The following RIBC2 variants were observed in gnomAD, a reference collection of about 807,000 sequenced individuals.
RIBC2 encodes the protein RIB43A domain with coiled-coils 2.
In RIBC2, 40 loss-of-function variants were observed where a neutral mutation model predicts 44.3. The ratio of observed to expected loss-of-function variants is 0.90; its 90% CI spans 0.70 to 1.18. RIBC2 has a LOEUF of 1.18. Among genes scored for constraint, RIBC2 ranks in the 50% most tolerant of loss-of-function variants. The probability of loss-of-function intolerance (pLI) is 0.00; values close to 1 mark genes in which losing one functional copy is unlikely to be tolerated. For missense variants in RIBC2, 459 were observed against 485.5 expected (o/e 0.95, Z 0.51); for synonymous variants, 171 against 175.0 (o/e 0.98, Z 0.18).
At chr22:45,421,488 AATT>A (rs200416430) in intron 3 of RIBC2, among the ~76,000 whole-genome samples, 84,070 of 138,834 alleles carry the variant, frequency 0.61, 27,640 homozygotes, top group African/African-American at 0.87. Context: ...ATGTCTAATT[AATT>A]ATTATTATTA....
chr22:45,430,829 CTCCT>C, intron 5 of RIBC2, 67 bp from the exon 6 acceptor site: 1 of 1,449,676 alleles, frequency 6.9e-7, no homozygotes, highest in Non-Finnish European at 9.1e-7. Flanking sequence ...GAGGCCAGGC[CTCCT>C]AGATAATCCC....
intron 5 of RIBC2, among the ~76,000 whole-genome samples, chr22:45,428,911 T>C (rs1268210292): frequency 6.6e-6 from 1 of 152,144 alleles, no homozygotes; most frequent in African/African-American, 2.4e-5. Context: ...GCCAGATTCA[T>C]TGTGGTCACC....
At chr22:45,417,473 C>T in intron 2 of RIBC2, 129 bp from the exon 3 acceptor site, 1 of 673,384 alleles carries the variant, frequency 1.5e-6, no homozygotes, top group Admixed American at 3.0e-5. Context: ...TGGTTGGAGG[C>T]CAGGAGACCA....
In RIBC2 at chr22:45,430,979, T is replaced by A. The variant is rs571131101; in HGVS notation, c.983T>A (p.Phe328Tyr). Reference protein sequence around the residue: ...RIQGARATLLFERQQWRRQRD... With the variant: ...RIQGARATLLYERQQWRRQRD... ...CAGGGGGCTCGCGCCACCCTGCTGT[T>A]TGAGCGGCAGCAGTGGCGGCGGCAG... is the stretch of plus-strand genomic sequence containing the variant. Residue 328 changes from phenylalanine to tyrosine, a missense_variant, in exon 6 of 7, where the codon TTT becomes TAT. By Grantham distance (22) the Phe-to-Tyr change is conservative. Coordinates refer to ENST00000614167, the MANE Select transcript of RIBC2 (RefSeq NM_015653.5). 2 of 1,607,400 alleles carry A rather than the reference T, an allele frequency of 1.2e-6. No individual in the cohort carries two copies. The highest frequency in any genetic ancestry group is 1.3e-5 in the African/African-American group (1 of 74,692).
In RIBC2 at chr22:45,426,209, G is replaced by C. The variant is rs763808024; in HGVS notation, c.903+34G>C. 3 of 1,572,412 alleles carry C rather than the reference G, an allele frequency of 1.9e-6. No homozygotes were observed. In the South Asian group the frequency reaches 3.4e-5, roughly 18 times the overall value. Reference sequence around the variant, plus strand: ...CCCGCCCCTTTTTCCAGAGCCCATAGAGCCAGGCTCTTTGCTCCCACTGCC... The same window carrying C: ...CCCGCCCCTTTTTCCAGAGCCCATACAGCCAGGCTCTTTGCTCCCACTGCC... On this transcript the variant is annotated intron_variant, in intron 5 of 6. Transcript: ENST00000614167.
chr22:45,421,686 G>T (rs2087486768), intron 3 of RIBC2, among the ~76,000 whole-genome samples: 1 of 151,614 alleles, frequency 6.6e-6, no homozygotes, highest in South Asian at 2.1e-4. Context: ...CTAAGTAATA[G>T]TTGAGGTTAA....
rs2087441911 is a variant in RIBC2, at chr22:45,417,945, A to C, written c.555A>C (p.Ala185=). ...WKNARAEQKC[A]EALYTETRLQ... ...ACGCCCGTGCTGAACAAAAATGCGC[A>C]GGTAATGAAACAGAAGAGACGAGCT... The change falls in exon 3 of 7, where the codon GCA becomes GCC. Residue 185 remains alanine, a splice_region_variant and synonymous_variant. Coordinates refer to ENST00000614167, the MANE Select transcript of RIBC2 (RefSeq NM_015653.5). The C allele has an allele frequency of 6.3e-7, 1 of 1,589,774 alleles. No individual in the cohort carries two copies. Among genetic ancestry groups the C allele is most frequent in the Middle Eastern group, 1.7e-4 (1 of 5,924 alleles).
Position 45,413,771 on chromosome 22 carries a change from A to G in RIBC2, c.-116A>G. 7.2e-7 allele frequency: 1 copy of G among 1,395,088 alleles called. No homozygotes were observed. Among genetic ancestry groups the G allele is most frequent in the Non-Finnish European group, 9.6e-7 (1 of 1,041,532 alleles). The allele number at this position is 1,395,088 out of a possible 1,614,324, so 86.4% of individuals were successfully genotyped here. On this transcript the variant is annotated 5_prime_UTR_variant, in exon 1 of 7. Coordinates refer to ENST00000614167, the MANE Select transcript of RIBC2 (RefSeq NM_015653.5). ...GGAGCCCGACGGAAAACTGCGCTAA[A>G]GGCTTGTCTTTCCCCTGCCCGACCG...
At chr22:45,419,732 C>CA (rs567543981) in intron 3 of RIBC2, among the ~76,000 whole-genome samples, 11,016 of 132,468 alleles carry the variant, frequency 0.083, 434 homozygotes, top group Middle Eastern at 0.21. Context: ...AACCCTGTCT[C>CA]AAAAAAAAAA....
chr22:45,413,898 G>T lies in RIBC2; in HGVS notation c.12G>T (p.Gln4His). ...CCCTTAGGCTTTCCATGGGTTCCCAGACCATGGCGGTGGCGCTGCCCAGGG... is the reference window on the plus strand; with the variant it reads ...CCCTTAGGCTTTCCATGGGTTCCCATACCATGGCGGTGGCGCTGCCCAGGG... MGS[Q>H]TMAVALPRDL... Residue 4 changes from glutamine to histidine, a missense_variant, in exon 1 of 7, where the codon CAG (glutamine) becomes CAT (histidine). By Grantham distance (24) the Gln-to-His change is conservative (BLOSUM62 0). Coordinates refer to ENST00000614167, the MANE Select transcript of RIBC2 (RefSeq NM_015653.5). 6.4e-7 allele frequency: 1 copy of T among 1,551,366 alleles called. No individual in the cohort carries two copies. Among genetic ancestry groups the T allele is most frequent in the South Asian group, 1.2e-5 (1 of 83,998 alleles).
intron 2 of RIBC2, 24 bp from the exon 3 acceptor site, chr22:45,417,578 A>G: frequency 6.5e-7 from 1 of 1,532,844 alleles, no homozygotes; most frequent in Non-Finnish European, 9.0e-7. Flanking sequence ...TCCTAAGCTT[A>G]TGGATATGCT....
chr22:45,430,136 A>G (rs1479080885), intron 5 of RIBC2, among the ~76,000 whole-genome samples: 1 of 152,206 alleles, frequency 6.6e-6, no homozygotes, highest in African/African-American at 2.4e-5. Flanking sequence ...AAAGCCCGCC[A>G]GCCTGCCTTC....
rs2087440244 is a variant in RIBC2, at chr22:45,417,812, C to G, written c.422C>G (p.Ser141Ter). 3 of 1,613,932 alleles carry G rather than the reference C, an allele frequency of 1.9e-6. No homozygotes were observed. The highest frequency in any genetic ancestry group is 2.5e-6 in the Non-Finnish European group (3 of 1,180,024). ...GATAATGATGTTCGGAATACGATAT[C>G]AGGAATGCAGAAATTCATGGGAGAG... ...QSDNDVRNTI[S>*]GMQKFMGEDL... Residue 141 changes from serine to a stop codon, truncating the protein, a stop_gained, in exon 3 of 7, where the codon TCA (serine) becomes TGA (stop). Transcript: ENST00000614167. LOFTEE classifies it high-confidence loss of function.
intron 5 of RIBC2, among the ~76,000 whole-genome samples, chr22:45,428,890 C>T (rs2087555523): frequency 6.6e-6 from 1 of 152,180 alleles, no homozygotes; most frequent in Non-Finnish European, 1.5e-5. Flanking sequence ...GGGTGTCCCC[C>T]ACCATGCTTA....
intron 3 of RIBC2, among the ~76,000 whole-genome samples, chr22:45,421,202 G>A (rs2087473737): frequency 6.6e-6 from 1 of 151,734 alleles, no homozygotes; most frequent in African/African-American, 2.4e-5. Context: ...GGCTGAGGCA[G>A]GAGAATTGCT....
intron 3 of RIBC2, among the ~76,000 whole-genome samples, chr22:45,419,144 A>C (rs1210880981): frequency 6.6e-6 from 1 of 152,206 alleles, no homozygotes; most frequent in Non-Finnish European, 1.5e-5. Context: ...TCATGGCTTT[A>C]AATGCCACCT....
In RIBC2 at chr22:45,426,049, G is replaced by A. The variant is rs770380834; in HGVS notation, c.777G>A (p.Glu259=). The change falls in exon 5 of 7, where the codon GAG becomes GAA. Residue 259 remains glutamate (E), a synonymous_variant. Transcript: ENST00000614167. ...TCCTGCGTGGGGACCTGCTCTCCGA[G>A]AACCCGCAGCAGGCAGCCAGCTCCT... ...TNLLRGDLLS[E]NPQQAASSFG... is the part of the protein sequence containing the mutation. 4 of 1,613,974 alleles carry A rather than the reference G, an allele frequency of 2.5e-6. No individual in the cohort carries two copies. The highest frequency in any genetic ancestry group is 3.4e-6 in the Non-Finnish European group (4 of 1,180,026).
intron 3 of RIBC2, 151 bp downstream of exon 3, chr22:45,418,097 G>T (rs2146875786): frequency 1.7e-6 from 1 of 593,342 alleles, no homozygotes. Context: ...TCCTACCAAT[G>T]TGCACAGACA....
chr22:45,426,021 A>C lies in RIBC2; in HGVS notation c.749A>C (p.Asn250Thr). Residue 250 changes from asparagine to threonine, a missense_variant, in exon 5 of 7, where the codon AAC (asparagine) becomes ACC (threonine). Transcript: ENST00000614167. ...EQEDNLAEIT[N>T]LLRGDLLSEN... The stretch of plus-strand genomic sequence containing the variant: ...GAGGACAACTTGGCCGAGATCACCA[A>C]CCTCCTGCGTGGGGACCTGCTCTCC... The C allele has an allele frequency of 6.2e-7, 1 of 1,613,894 alleles. No homozygotes were observed. The highest frequency in any genetic ancestry group is 8.5e-7 in the Non-Finnish European group (1 of 1,179,982).
Sources: gnomAD v4.1 joint callset for allele counts (sites outside exome capture counted in the v4.1 genomes callset) on GRCh38, gnomAD v4.1.1 for gene constraint, MANE v1.5 for transcripts, NCBI Gene and HGNC (gene_info 2026-07-23, HGNC 2026-07-21) for gene names.